Variants in KLF12 observed in about 807,000 individuals in gnomAD.
The protein encoded by KLF12 is KLF transcription factor 12, also known as Krueppel-like factor 12.
KLF12 carries 9 observed loss-of-function variants against 37.8 expected under a neutral mutation model. The ratio of observed to expected loss-of-function variants is 0.24; its 90% CI spans 0.14 to 0.42. KLF12 has a LOEUF of 0.42. Among genes scored for constraint, KLF12 ranks in the 10% least tolerant of loss-of-function variants. The probability of loss-of-function intolerance (pLI) is 1.00; values close to 1 mark genes in which losing one functional copy is unlikely to be tolerated. For missense variants in KLF12, 411 were observed against 516.0 expected (o/e 0.80, Z 1.97); for synonymous variants, 208 against 202.1 (o/e 1.03, Z -0.25).
chr13:73,691,648 T>C lies in KLF12; in HGVS notation c.*3842A>G, dbSNP rs563516858. ...ACATTTCTAAGCAGTCATAACAACA[T>C]AACAAAGGCGTATTAATACATTTTG... On this transcript the variant is annotated 3_prime_UTR_variant, in exon 8 of 8. Coordinates refer to ENST00000377669, the MANE Select transcript of KLF12 (RefSeq NM_007249.5). 11 of 152,724 alleles carry C rather than the reference T, an allele frequency of 7.2e-5. No homozygotes were observed. In the South Asian group the frequency reaches 1.9e-3, roughly 26 times the overall value. The allele number at this position is 152,724 out of a possible 1,614,324, so 9.5% of individuals were successfully genotyped here.
At chr13:73,758,623 T>C (rs539812321) in intron 6 of KLF12, among the ~76,000 whole-genome samples, 20 of 152,174 alleles carry the variant, frequency 1.3e-4, no homozygotes, top group African/African-American at 4.1e-4. Context: ...GAGCCGCAGG[T>C]TGATAAACTA....
chr13:73,839,036 A>T (rs1171827284), intron 4 of KLF12, among the ~76,000 whole-genome samples: 1 of 151,776 alleles, frequency 6.6e-6, no homozygotes, highest in Non-Finnish European at 1.5e-5. Context: ...TATAGAAGAG[A>T]GGAGATGCGT....
At chr13:74,048,575 T>C (rs1172996332) in intron 1 of KLF12, among the ~76,000 whole-genome samples, 1 of 152,194 alleles carries the variant, frequency 6.6e-6, no homozygotes, top group East Asian at 1.9e-4. Context: ...AGCTTTATCA[T>C]GTGGCCCAAA....
At chr13:74,188,036 A>AT in the KLF12 span, among the ~76,000 whole-genome samples, 2 of 152,212 alleles carry the variant, frequency 1.3e-5, no homozygotes, top group African/African-American at 4.8e-5. Context: ...ATTTGTTCTT[A>AT]TTATGTAGAA....
chr13:74,025,471 T>C (rs192584263), intron 1 of KLF12, among the ~76,000 whole-genome samples: 42 of 152,214 alleles, frequency 2.8e-4, no homozygotes, highest in Non-Finnish European at 1.2e-4. Flanking sequence ...CTGCTATAGC[T>C]TCAAGGTCAT....
At chr13:74,124,566 T>C (rs1877830024) in intron 1 of KLF12, among the ~76,000 whole-genome samples, 1 of 152,222 alleles carries the variant, frequency 6.6e-6, no homozygotes, top group Non-Finnish European at 1.5e-5. Context: ...CAGCATCACA[T>C]AAAGTGCATT....
At chr13:73,809,961 G>A (rs1468139220) in intron 5 of KLF12, among the ~76,000 whole-genome samples, 1 of 152,128 alleles carries the variant, frequency 6.6e-6, no homozygotes, top group Non-Finnish European at 1.5e-5. Flanking sequence ...TTGAAAAGGT[G>A]TAGGCTGGGC....
At chr13:73,778,563 C>T (rs1414222669) in intron 5 of KLF12, among the ~76,000 whole-genome samples, 1 of 152,116 alleles carries the variant, frequency 6.6e-6, no homozygotes, top group East Asian at 1.9e-4. Flanking sequence ...TGAGGCCTCC[C>T]TGTGTTGCCT....
intron 1 of KLF12, among the ~76,000 whole-genome samples, chr13:74,088,624 C>T (rs1474747230): frequency 6.6e-6 from 1 of 152,168 alleles, no homozygotes; most frequent in African/African-American, 2.4e-5. Context: ...CTCTGATGTG[C>T]ATAATCTGAC....
intron 6 of KLF12, among the ~76,000 whole-genome samples, chr13:73,724,089 A>C (rs556102144): frequency 6.6e-6 from 1 of 152,158 alleles, no homozygotes; most frequent in Non-Finnish European, 1.5e-5. Context: ...ACACATGCAC[A>C]CGTTATGTTT....
intron 2 of KLF12, among the ~76,000 whole-genome samples, chr13:73,957,416 G>C (rs1160925755): frequency 6.6e-6 from 1 of 152,162 alleles, no homozygotes; most frequent in Non-Finnish European, 1.5e-5. Context: ...AAAGAAACCT[G>C]AAGATTTCAA....
rs560302463 is a variant in KLF12, at chr13:73,924,834, A to T, written c.123+19147T>A. ...AATTAAAAGTGCTACTCCAGTGAAT[A>T]TACAAATAAGAAAGTGAAACAACTT... On this transcript the variant is annotated intron_variant, in intron 3 of 7. Transcript: ENST00000377669. 3.9e-5 allele frequency among the ~76,000 whole-genome samples: 6 copies of T among 152,366 alleles called. No homozygotes were observed. The South Asian group carries it at 1.2e-3, about 32-fold the overall frequency.
At chr13:74,252,152 C>A in the KLF12 span, among the ~76,000 whole-genome samples, 2 of 152,148 alleles carry the variant, frequency 1.3e-5, no homozygotes, top group Admixed American at 1.3e-4. Context: ...CTTTAGTTAT[C>A]CCTTAGTTGT....
At chr13:74,145,324 T>C in the KLF12 span, among the ~76,000 whole-genome samples, 2 of 152,226 alleles carry the variant, frequency 1.3e-5, no homozygotes, top group African/African-American at 4.8e-5. Context: ...AATTACTCAT[T>C]AAAAAAGTTT....
chr13:74,067,630 T>C (rs1873990346), intron 1 of KLF12, among the ~76,000 whole-genome samples: 1 of 152,170 alleles, frequency 6.6e-6, no homozygotes, highest in African/African-American at 2.4e-5. Context: ...GAATTAATGA[T>C]GTGATATGAT....
At chr13:73,927,637 C>G (rs1019921260) in intron 3 of KLF12, among the ~76,000 whole-genome samples, 2 of 152,026 alleles carry the variant, frequency 1.3e-5, no homozygotes, top group African/African-American at 4.8e-5. Flanking sequence ...AGTGCAGTGG[C>G]GCGATCTCGG....
At chr13:73,722,753 T>C (rs986158146) in intron 6 of KLF12, among the ~76,000 whole-genome samples, 8 of 152,340 alleles carry the variant, frequency 5.3e-5, no homozygotes, top group Admixed American at 2.6e-4. Flanking sequence ...AGCTCAATCT[T>C]AACATCTATT....
intron 1 of KLF12, among the ~76,000 whole-genome samples, chr13:74,077,037 A>T (rs1427156244): frequency 6.6e-6 from 1 of 152,202 alleles, no homozygotes; most frequent in Non-Finnish European, 1.5e-5. Flanking sequence ...TTCCTTATCC[A>T]GTCTGTCACT....
rs545716448 is a variant in KLF12 at position 74,005,058 on chromosome 13, G to A, written c.-31-10005C>T. Among the ~76,000 whole-genome samples the A allele has an allele frequency of 5.5e-4, 84 of 152,264 alleles. 1 individual carries two copies. Among genetic ancestry groups the A allele is most frequent in the African/African-American group, 1.8e-3 (73 of 41,562 alleles). ...AAAAAAGTATTTCTAACCTGTGCTT[G>A]AGGCTGTTACCCTAAACAACTATAA... On this transcript the variant is annotated intron_variant, in intron 1 of 7. Transcript: ENST00000377669.
Sources: allele counts gnomAD v4.1 joint callset (sites outside exome capture counted in the v4.1 genomes callset), GRCh38; gene constraint gnomAD v4.1.1; transcripts MANE v1.5; gene names NCBI Gene and HGNC (gene_info 2026-07-23, HGNC 2026-07-21).